Variants in RTN1 observed in about 807,000 individuals in gnomAD.
RTN1 encodes the protein reticulon 1, also known as reticulon-1.
RTN1 carries 25 observed loss-of-function variants against 65.5 expected under a neutral mutation model. The observed-to-expected ratio is 0.38, with a 90% CI of 0.28 to 0.53. The LOEUF (loss-of-function observed/expected upper bound fraction) is 0.53, where lower values mean the gene tolerates loss of function less well. Among genes scored for constraint, RTN1 ranks in the 20% least tolerant of loss-of-function variants. The probability of loss-of-function intolerance (pLI) is 0.79; values close to 1 mark genes in which losing one functional copy is unlikely to be tolerated. For missense variants in RTN1, 983 were observed against 1,025.4 expected (o/e 0.96, Z 0.57); for synonymous variants, 471 against 447.6 (o/e 1.05, Z -0.66).
At chr14:59,757,820 G>T (rs1470639207) in intron 1 of RTN1, among the ~76,000 whole-genome samples, 1 of 152,056 alleles carries the variant, frequency 6.6e-6, no homozygotes, top group African/African-American at 2.4e-5. Flanking sequence ...ATGGTGTTTT[G>T]TTACAGCATC....
In RTN1 at chr14:59,803,022, C is replaced by T. The variant is rs1886574731; in HGVS notation, c.242-56541G>A. ...AAAAAAAAAACCCTACACAACAATC[C>T]ACCATCCTCTTGGTGAAACTGATTT... On this transcript the variant is annotated intron_variant, in intron 1 of 8. Transcript: ENST00000267484. This position sits in a 1 kb window ranked among gnomAD's most constrained non-coding sequence, Gnocchi z 5.6. Among the ~76,000 whole-genome samples, 1 of 151,526 alleles carries T rather than the reference C, an allele frequency of 6.6e-6. No homozygotes were observed. The highest frequency in any genetic ancestry group is 6.6e-5 in the Admixed American group (1 of 15,200).
chr14:59,599,488 A>G (rs551487863), intron 8 of RTN1, among the ~76,000 whole-genome samples: 81 of 152,306 alleles, frequency 5.3e-4, no homozygotes, highest in African/African-American at 1.8e-3. Flanking sequence ...TGTGTCACAT[A>G]CCTTGGCCCA....
At chr14:59,859,548 A>G (rs1317787402) in intron 1 of RTN1, among the ~76,000 whole-genome samples, 1 of 152,264 alleles carries the variant, frequency 6.6e-6, no homozygotes, top group Non-Finnish European at 1.5e-5. Context: ...GGTGCTGCTG[A>G]AAAGATACTG....
rs147411641 is a variant in RTN1, at chr14:59,603,827, C to T, written c.2182+25G>A. 8.7e-4 allele frequency: 1,386 copies of T among 1,593,176 alleles called. 4 individuals are homozygous for T. The African/African-American group carries it at 0.014, about 16-fold the overall frequency. On this transcript the variant is annotated intron_variant, in intron 6 of 8. Transcript: ENST00000267484. ...TTTTCACAGAGGGGGTGAAGGAAGA[C>T]GTATACAGTCTTATCTGCTCTTACC...
At position 59,727,508 on chromosome 14, in the gene RTN1, C is replaced by T. The variant is rs944737200; in HGVS notation, c.1176G>A (p.Pro392=). Residue 392 remains proline, a synonymous_variant, in exon 3 of 9, where the codon CCG becomes CCA. Coordinates refer to ENST00000267484, the MANE Select transcript of RTN1 (RefSeq NM_021136.3). This position sits in a 1 kb window ranked among gnomAD's most constrained non-coding sequence, Gnocchi z 4.2. ...DRPEVKARSG[P]PTIPSPLDHE... is the part of the protein sequence containing the mutation. ...GGTCCAGGGGGCTGGGGATGGTTGG[C>T]GGTCCGGACCTGGCCTTGACCTCGG... is the stretch of plus-strand genomic sequence containing the variant. 1 of 1,597,768 alleles carries T rather than the reference C, an allele frequency of 6.3e-7. No individual in the cohort carries two copies.
At position 59,719,358 on chromosome 14, in the gene RTN1, T is replaced by C. The variant is rs117509934; in HGVS notation, c.1765+7561A>G. On this transcript the variant is annotated intron_variant, in intron 3 of 8. Transcript: ENST00000267484. Reference sequence around the variant, plus strand: ...TTGCTTTAACCAGCTCTTGCCACAGTTGACTTCTCAGTTTCCTCCTTCTCA... The same window carrying C: ...TTGCTTTAACCAGCTCTTGCCACAGCTGACTTCTCAGTTTCCTCCTTCTCA... Among the ~76,000 whole-genome samples the C allele has an allele frequency of 7.2e-4, 109 of 152,342 alleles. 1 individual carries two copies. The East Asian group carries it at 0.011, about 15-fold the overall frequency.
At chr14:59,622,466 G>A (rs1882281034) in intron 3 of RTN1, among the ~76,000 whole-genome samples, 1 of 152,140 alleles carries the variant, frequency 6.6e-6, no homozygotes, top group African/African-American at 2.4e-5. Flanking sequence ...TTACTTTTTA[G>A]CAAGCTTCCA....
At chr14:59,732,244 C>T (rs933139705) in intron 2 of RTN1, among the ~76,000 whole-genome samples, 3 of 152,162 alleles carry the variant, frequency 2.0e-5, no homozygotes, top group African/African-American at 7.2e-5. Flanking sequence ...AAAATGGAAG[C>T]AGGCCCCTGG....
In RTN1 at chr14:59,774,234, C is replaced by T. The variant is rs1484244186; in HGVS notation, c.242-27753G>A. On this transcript the variant is annotated intron_variant, in intron 1 of 8. Transcript: ENST00000267484. This position sits in a 1 kb window ranked among gnomAD's most constrained non-coding sequence, Gnocchi z 5.1. ...TTTCTATGGCAAAGAATGTGAATCT[C>T]TTACTAAACTGACTGTTTAACATGC... is the stretch of plus-strand genomic sequence containing the variant. Among the ~76,000 whole-genome samples the T allele has an allele frequency of 7.2e-5, 11 of 152,278 alleles. No individual in the cohort carries two copies. In the South Asian group the frequency reaches 8.3e-4, roughly 11 times the overall value.
intron 3 of RTN1, among the ~76,000 whole-genome samples, chr14:59,614,979 G>A (rs1882062856): frequency 6.6e-6 from 1 of 152,204 alleles, no homozygotes; most frequent in African/African-American, 2.4e-5. Context: ...TTTTGTTAAA[G>A]GGAATGTAAT....
chr14:59,687,286 C>G (rs761592652), intron 3 of RTN1, among the ~76,000 whole-genome samples: 1 of 151,992 alleles, frequency 6.6e-6, no homozygotes, highest in Non-Finnish European at 1.5e-5. Flanking sequence ...CCACCCCACC[C>G]TTCATGGATA....
chr14:59,740,791 A>T (rs1400707535), intron 2 of RTN1, among the ~76,000 whole-genome samples: 2 of 152,246 alleles, frequency 1.3e-5, no homozygotes, highest in African/African-American at 4.8e-5. Flanking sequence ...AGAACAAAAC[A>T]GAAGTTTCCA....
chr14:59,605,385 G>T lies in RTN1; in HGVS notation c.2095C>A (p.Leu699Met). 6.2e-7 allele frequency: 1 copy of T among 1,614,034 alleles called. No homozygotes were observed. The highest frequency in any genetic ancestry group is 8.5e-7 in the Non-Finnish European group (1 of 1,179,960). ...ELRRLFLVQDLVDSLKFAVLM... is the reference protein window; with the variant it reads ...ELRRLFLVQDMVDSLKFAVLM... ...AACTATACTTTTAAGGAATCCACCA[G>T]GTCCTGGACAAGGAAGAGCCTCCTC... Residue 699 changes from leucine to methionine, a missense_variant, in exon 5 of 9, where the codon CTG (leucine) becomes ATG (methionine). Physicochemically the swap from Leu to Met is conservative, Grantham distance 15. Around this residue, in one of 2 missense-constraint regions of RTN1, gnomAD observed 165 missense variants for 223.6 expected, o/e 0.74. Transcript: ENST00000267484.
chr14:59,680,157 A>G (rs750083937), intron 3 of RTN1, among the ~76,000 whole-genome samples: 63 of 152,190 alleles, frequency 4.1e-4, no homozygotes, highest in Non-Finnish European at 7.4e-4. Flanking sequence ...CATAGCTCTT[A>G]GCTATTGCCT....
chr14:59,704,655 A>C (rs1056975344), intron 3 of RTN1, among the ~76,000 whole-genome samples: 3 of 152,210 alleles, frequency 2.0e-5, no homozygotes, highest in Admixed American at 1.3e-4. Context: ...AGTAAAAGGA[A>C]ATTGGAGAAA....
At chr14:59,667,543 C>G (rs1390697934) in intron 3 of RTN1, among the ~76,000 whole-genome samples, 1 of 152,152 alleles carries the variant, frequency 6.6e-6, no homozygotes, top group East Asian at 1.9e-4. Context: ...CCTTTGAAAA[C>G]TGGCACAAGA....
At chr14:59,750,232 ATATATATTATATC>A (rs1393758541) in intron 1 of RTN1, among the ~76,000 whole-genome samples, 62 of 27,100 alleles carry the variant, frequency 2.3e-3, no homozygotes, top group East Asian at 3.4e-3. Context: ...TATCTATAAT[ATATATATTATATC>A]TATAATATAT....
intron 3 of RTN1, among the ~76,000 whole-genome samples, chr14:59,680,458 C>T (rs1462378476): frequency 6.6e-6 from 1 of 152,134 alleles, no homozygotes; most frequent in Non-Finnish European, 1.5e-5. Flanking sequence ...TCTATCTTTA[C>T]TAATTTGAGC....
Position 59,750,452 on chromosome 14 carries a change from AAT to A in RTN1, c.242-3973_242-3972del, listed in dbSNP as rs373597458. ...TATCTATAATATATAATATATCTAT[AAT>A]ATATATATCTATAATATATAATATA... is the stretch of plus-strand genomic sequence containing the variant. On this transcript the variant is annotated intron_variant, in intron 1 of 8. Transcript: ENST00000267484. Among the ~76,000 whole-genome samples the A allele has an allele frequency of 1.1e-3, 66 of 57,656 alleles. 2 individuals are homozygous for A. Among genetic ancestry groups the A allele is most frequent in the African/African-American group, 4.5e-3 (62 of 13,912 alleles). 37.8% of individuals were successfully genotyped at this position (57,656 alleles called of 152,430 possible).
Sources: allele counts gnomAD v4.1 joint callset (sites outside exome capture counted in the v4.1 genomes callset), GRCh38; gene constraint gnomAD v4.1.1; regional missense constraint gnomAD v4.1.1; non-coding constraint Gnocchi (gnomAD v3.1); transcripts MANE v1.5; gene names NCBI Gene and HGNC (gene_info 2026-07-23, HGNC 2026-07-21).